Variants in UBE2U observed in about 807,000 individuals in gnomAD.
The protein encoded by UBE2U is ubiquitin conjugating enzyme E2 U.
UBE2U carries 39 observed loss-of-function variants against 41.2 expected under a neutral mutation model. The observed-to-expected ratio is 0.95, with a 90% CI of 0.73 to 1.24. The LOEUF is 1.24. Among genes scored for constraint, UBE2U ranks in the 50% most tolerant of loss-of-function variants. UBE2U has a pLI of 0.00. For missense variants in UBE2U, 336 were observed against 363.1 expected (o/e 0.93, Z 0.61); for synonymous variants, 107 against 117.8 (o/e 0.91, Z 0.60).
intron 8 of UBE2U, among the ~76,000 whole-genome samples, chr1:64,256,265 AC>A (rs1188548971): frequency 1.3e-5 from 2 of 152,194 alleles, no homozygotes; most frequent in African/African-American, 4.8e-5. Context: ...ATTAGAAGAA[AC>A]TATTTTAAAA....
intron 8 of UBE2U, among the ~76,000 whole-genome samples, chr1:64,251,575 G>A (rs181090206): frequency 4.6e-5 from 7 of 152,090 alleles, no homozygotes; most frequent in Non-Finnish European, 1.0e-4. Flanking sequence ...GCAAAGAAAA[G>A]CAGGGTGAGG....
At position 64,225,771 on chromosome 1, in the gene UBE2U, T is replaced by C. The variant is rs183239438; in HGVS notation, c.506+4864T>C. On this transcript the variant is annotated intron_variant, in intron 6 of 9. Transcript: ENST00000371077. Reference sequence around the variant, plus strand: ...CCAAGGGTAATTACTAGATTTGGGGTTGAACTGGGTGGGTTCTGCTGTCAT... The same window carrying C: ...CCAAGGGTAATTACTAGATTTGGGGCTGAACTGGGTGGGTTCTGCTGTCAT... Among the ~76,000 whole-genome samples, 53 of 152,310 alleles carry C rather than the reference T, an allele frequency of 3.5e-4. No homozygotes were observed. In the East Asian group the frequency reaches 0.01, roughly 29 times the overall value.
In UBE2U at chr1:64,264,835, A is replaced by G. The variant is rs569303825; in HGVS notation, c.770-2189A>G. 5.9e-5 allele frequency among the ~76,000 whole-genome samples: 9 copies of G among 152,272 alleles called. No homozygotes were observed. In the South Asian group the frequency reaches 1.9e-3, roughly 32 times the overall value. On this transcript the variant is annotated intron_variant, in intron 9 of 9. Transcript: ENST00000371077. ...CATGGTGGTGAATGCCTATAGTCCC[A>G]GTTACTTGGGAGGCTGAGGTGAGAG...
chr1:64,228,676 C>T (rs1308390324), intron 6 of UBE2U, among the ~76,000 whole-genome samples: 2 of 130,962 alleles, frequency 1.5e-5, no homozygotes, highest in Non-Finnish European at 3.1e-5. Flanking sequence ...TTTTCTTTCT[C>T]TCTCTCTCTC....
chr1:64,258,337 T>A (rs1645127815), intron 8 of UBE2U, among the ~76,000 whole-genome samples: 1 of 152,214 alleles, frequency 6.6e-6, no homozygotes, highest in African/African-American at 2.4e-5. Flanking sequence ...CTTTTTTTTT[T>A]ATACTTTAAG....
At chr1:64,259,172 TG>T (rs1347338147) in intron 8 of UBE2U, among the ~76,000 whole-genome samples, 1 of 152,232 alleles carries the variant, frequency 6.6e-6, no homozygotes, top group Non-Finnish European at 1.5e-5. Context: ...CGGGGTTGTT[TG>T]TTTTTTTCTT....
At chr1:64,217,704 T>TA (rs1238414396) in intron 5 of UBE2U, among the ~76,000 whole-genome samples, 2 of 152,052 alleles carry the variant, frequency 1.3e-5, no homozygotes, top group African/African-American at 2.4e-5. Flanking sequence ...TAGTTTTTGA[T>TA]AAAAAAGGAG....
chr1:64,232,525 A>C, intron 6 of UBE2U, 36 bp from the exon 7 acceptor site: 1 of 1,518,734 alleles, frequency 6.6e-7, no homozygotes, highest in Non-Finnish European at 9.1e-7. Context: ...AAAATTTACA[A>C]ACTGCCCATC....
At chr1:64,219,258 G>A (rs565362149) in intron 5 of UBE2U, among the ~76,000 whole-genome samples, 3 of 152,150 alleles carry the variant, frequency 2.0e-5, no homozygotes, top group East Asian at 1.9e-4. Context: ...TTAGTTTCTA[G>A]TGTTGCTCTT....
intron 8 of UBE2U, among the ~76,000 whole-genome samples, chr1:64,252,830 A>T (rs1645032965): frequency 6.6e-6 from 1 of 152,074 alleles, no homozygotes; most frequent in Non-Finnish European, 1.5e-5. Flanking sequence ...AATGCTGAAA[A>T]CTCAAAAAGC....
chr1:64,230,792 T>A lies in UBE2U; in HGVS notation c.507-1769T>A, dbSNP rs191397607. On this transcript the variant is annotated intron_variant, in intron 6 of 9. Coordinates refer to ENST00000371077, the MANE Select transcript of UBE2U (RefSeq NM_001366232.2). ...TATATAAAGCTGTTCAATTCACTAGTCCAGGTATATATCTTATTTTTTCCA... is the reference window on the plus strand; with the variant it reads ...TATATAAAGCTGTTCAATTCACTAGACCAGGTATATATCTTATTTTTTCCA... Among the ~76,000 whole-genome samples, 168 of 152,304 alleles carry A rather than the reference T, an allele frequency of 1.1e-3. 2 individuals carry two copies. In the East Asian group the frequency reaches 0.031, roughly 28 times the overall value.
intron 9 of UBE2U, among the ~76,000 whole-genome samples, chr1:64,264,293 T>C (rs552515450): frequency 1.3e-5 from 2 of 152,204 alleles, no homozygotes; most frequent in Non-Finnish European, 2.9e-5. Context: ...ATGGAAAATA[T>C]AAGGCAGTTA....
At chr1:64,248,023 T>G (rs1271138795) in intron 8 of UBE2U, among the ~76,000 whole-genome samples, 1 of 152,186 alleles carries the variant, frequency 6.6e-6, no homozygotes, top group East Asian at 1.9e-4. Flanking sequence ...AATTGTGAGC[T>G]AAATAAACCT....
intron 3 of UBE2U, among the ~76,000 whole-genome samples, chr1:64,208,180 C>A (rs1374376628): frequency 3.3e-5 from 5 of 152,172 alleles, no homozygotes; most frequent in Admixed American, 6.5e-5. Context: ...TAATCATGAC[C>A]TTTTGAGGAA....
At chr1:64,260,753 C>T (rs2100548141) in intron 9 of UBE2U, 59 bp downstream of exon 9, 3 of 1,327,184 alleles carry the variant, frequency 2.3e-6, no homozygotes, top group African/African-American at 1.5e-5. Context: ...GCATAATATG[C>T]ATAACTTTAA....
At position 64,229,138 on chromosome 1, in the gene UBE2U, C is replaced by T. The variant is rs541293950; in HGVS notation, c.507-3423C>T. ...CTTCCCAAAGTGCTCAGATTGCAGG[C>T]GTGAGCCACTGCGCCTGGCCTAATT... On this transcript the variant is annotated intron_variant, in intron 6 of 9. Transcript: ENST00000371077. Among the ~76,000 whole-genome samples, 7 of 151,980 alleles carry T rather than the reference C, an allele frequency of 4.6e-5. No individual in the cohort carries two copies. The East Asian group carries it at 5.9e-4, about 13-fold the overall frequency.
At chr1:64,239,110 A>AGAAG (rs1557729876) in intron 7 of UBE2U, among the ~76,000 whole-genome samples, 11 of 19,186 alleles carry the variant, frequency 5.7e-4, no homozygotes, top group African/African-American at 2.8e-3. Flanking sequence ...AAGAAGAAGA[A>AGAAG]GAAGAAGAAG....
chr1:64,248,280 G>C (rs2100493491), intron 8 of UBE2U, among the ~76,000 whole-genome samples: 1 of 152,158 alleles, frequency 6.6e-6, no homozygotes, highest in African/African-American at 2.4e-5. Context: ...GTTGGCTTAG[G>C]TCCTGCTCAG....
At chr1:64,210,143 T>A (rs948650114) in intron 3 of UBE2U, among the ~76,000 whole-genome samples, 1 of 152,246 alleles carries the variant, frequency 6.6e-6, no homozygotes, top group Non-Finnish European at 1.5e-5. Flanking sequence ...TCATCTTAGA[T>A]GATCCTTTCC....
Sources: gnomAD v4.1 joint callset for allele counts (sites outside exome capture counted in the v4.1 genomes callset) on GRCh38, gnomAD v4.1.1 for gene constraint, MANE v1.5 for transcripts, NCBI Gene and HGNC (gene_info 2026-07-23, HGNC 2026-07-21) for gene names.